FGFR2: variants seen among roughly 807,000 people sequenced by gnomAD.
FGFR2 encodes the protein BEK fibroblast growth factor receptor.
In FGFR2, 19 loss-of-function variants were observed where a neutral mutation model predicts 95.9. The observed-to-expected ratio is 0.20, with a 90% CI of 0.14 to 0.29. FGFR2 has a LOEUF of 0.29. Ranked by LOEUF, FGFR2 falls within the 10% of genes least tolerant of loss-of-function variation. The pLI is 1.00. For missense variants in FGFR2, 707 were observed against 1,056.9 expected, an observed-to-expected ratio of 0.67 and a Z score of 4.59; for synonymous variants, 392 against 393.3, an observed-to-expected ratio of 1.00 and a Z score of 0.04.
intron 13 of FGFR2, among the ~76,000 whole-genome samples, chr10:121,490,741 A>G (rs1055520117): frequency 6.6e-6 from 1 of 152,200 alleles, no homozygotes. Flanking sequence ...CACGAAATGG[A>G]CAATTAAAAA....
chr10:121,573,599 G>A (rs1189551311), intron 2 of FGFR2, among the ~76,000 whole-genome samples: 1 of 152,046 alleles, frequency 6.6e-6, no homozygotes, highest in East Asian at 1.9e-4. Context: ...AAAAGGAAGG[G>A]AGAGAAACAG....
intron 6 of FGFR2, among the ~76,000 whole-genome samples, chr10:121,525,433 C>T (rs2134398662): frequency 6.6e-6 from 1 of 152,290 alleles, no homozygotes; most frequent in Non-Finnish European, 1.5e-5. Context: ...CCAGCGTTCT[C>T]TCTCTCTCAC....
chr10:121,589,960 C>T (rs114749433), intron 2 of FGFR2, among the ~76,000 whole-genome samples: 1,603 of 152,216 alleles, frequency 0.011, 30 homozygotes, highest in African/African-American at 0.036. Flanking sequence ...CAATTAAATG[C>T]GTATGGTTAA....
At chr10:121,504,456 C>G (rs565767023) in intron 9 of FGFR2, among the ~76,000 whole-genome samples, 1 of 152,278 alleles carries the variant, frequency 6.6e-6, no homozygotes, top group African/African-American at 2.4e-5. Flanking sequence ...GGAAAGAGTT[C>G]TAGGACTTGA....
chr10:121,534,091 CTTTTTTTTT>C (rs1022674124), intron 6 of FGFR2, among the ~76,000 whole-genome samples: 19 of 92,106 alleles, frequency 2.1e-4, no homozygotes, highest in Non-Finnish European at 3.5e-4. Flanking sequence ...CCCAAAATGG[CTTTTTTTTT>C]TTTTTTTTTT....
chr10:121,584,136 TC>T (rs1861393577), intron 2 of FGFR2, among the ~76,000 whole-genome samples: 1 of 151,962 alleles, frequency 6.6e-6, no homozygotes, highest in Non-Finnish European at 1.5e-5. Flanking sequence ...CATAGGGGTA[TC>T]ATGTGCAAAT....
At chr10:121,565,780 T>C (rs1006384544) in intron 2 of FGFR2, 76 bp from the exon 3 acceptor site, 5 of 1,564,828 alleles carry the variant, frequency 3.2e-6, no homozygotes, top group African/African-American at 1.4e-5. Context: ...CAAAGGTCAG[T>C]GGAGGCCTGC....
At chr10:121,543,280 C>T (rs545705847) in intron 5 of FGFR2, among the ~76,000 whole-genome samples, 4 of 152,086 alleles carry the variant, frequency 2.6e-5, no homozygotes, top group Non-Finnish European at 5.9e-5. Context: ...GAGGCCGAGG[C>T]GGGCAGATCA....
intron 9 of FGFR2, among the ~76,000 whole-genome samples, chr10:121,504,263 T>A (rs565052959): frequency 6.6e-6 from 1 of 152,306 alleles, no homozygotes; most frequent in Admixed American, 6.5e-5. Context: ...CAGTCCTCTC[T>A]GGCTTCATTA....
chr10:121,580,270 G>C lies in FGFR2; in HGVS notation c.109+13439C>G, dbSNP rs186360482. Among the ~76,000 whole-genome samples the C allele has an allele frequency of 2.1e-3, 325 of 152,256 alleles. 2 individuals are homozygous for C. Among genetic ancestry groups the C allele is most frequent in the South Asian group, 5.8e-3 (28 of 4,828 alleles). ...TTTGGCAAGTTGATTTAAAGGGCTC[G>C]GCCTTTCTTCTCTCAGCAGGATCTC... On this transcript the variant is annotated intron_variant, in intron 2 of 17. Coordinates refer to ENST00000358487, the MANE Select transcript of FGFR2 (RefSeq NM_000141.5).
intron 9 of FGFR2, among the ~76,000 whole-genome samples, chr10:121,505,131 C>T (rs987526834): frequency 6.6e-6 from 1 of 152,204 alleles, no homozygotes; most frequent in Non-Finnish European, 1.5e-5. Flanking sequence ...GTGGGATGAA[C>T]TTTCACAGGG....
intron 2 of FGFR2, among the ~76,000 whole-genome samples, chr10:121,571,623 AAAAC>A (rs993443150): frequency 1.3e-5 from 2 of 148,482 alleles, no homozygotes; most frequent in African/African-American, 5.0e-5. Flanking sequence ...AGCTTCTTTA[AAAAC>A]AAACAAACAA....
intron 6 of FGFR2, among the ~76,000 whole-genome samples, chr10:121,522,964 G>A (rs1850771418): frequency 6.6e-6 from 1 of 152,188 alleles, no homozygotes; most frequent in Non-Finnish European, 1.5e-5. Context: ...TAGAACAATA[G>A]ATATCTACAT....
rs370540726 is a variant in FGFR2, at chr10:121,569,599, C to T, written c.110-3895G>A. Among the ~76,000 whole-genome samples, 79 of 152,316 alleles carry T rather than the reference C, an allele frequency of 5.2e-4. 1 individual carries two copies. In the South Asian group the frequency reaches 7.9e-3, roughly 15 times the overall value. On this transcript the variant is annotated intron_variant, in intron 2 of 17. Transcript: ENST00000358487. The stretch of plus-strand genomic sequence containing the variant: ...TCAATGGACAGTTAAGATGACTTGA[C>T]GTACTAAAACTGCTTTTGATCCCAG...
intron 10 of FGFR2, among the ~76,000 whole-genome samples, chr10:121,502,447 A>C (rs1337324632): frequency 6.6e-6 from 1 of 152,186 alleles, no homozygotes; most frequent in Non-Finnish European, 1.5e-5. Context: ...ACTCTAACCA[A>C]ATAATATCCA....
At chr10:121,579,226 T>A (rs1367565936) in intron 2 of FGFR2, among the ~76,000 whole-genome samples, 2 of 152,168 alleles carry the variant, frequency 1.3e-5, no homozygotes, top group Admixed American at 1.3e-4. Flanking sequence ...TCTGTATATT[T>A]AAAGTGAGGG....
At chr10:121,579,461 A>G (rs1078806) in intron 2 of FGFR2, among the ~76,000 whole-genome samples, 52,708 of 152,128 alleles carry the variant, frequency 0.35, 9,758 homozygotes, top group Middle Eastern at 0.45. Context: ...CTCATCACAT[A>G]TAAGTTACCT....
intron 2 of FGFR2, among the ~76,000 whole-genome samples, chr10:121,593,155 T>C (rs1862922585): frequency 6.6e-6 from 1 of 152,158 alleles, no homozygotes; most frequent in Non-Finnish European, 1.5e-5. Context: ...AATCTGCCAC[T>C]CTGTGATGAT....
intron 6 of FGFR2, among the ~76,000 whole-genome samples, chr10:121,537,725 AAGGCTC>A (rs1853063265): frequency 9.0e-3 from 2 of 222 alleles, no homozygotes. Context: ...AAACCAAAAG[AAGGCTC>A]AAGGTGGCAG....
Sources: allele counts gnomAD v4.1 joint callset (sites outside exome capture counted in the v4.1 genomes callset), GRCh38; gene constraint gnomAD v4.1.1; transcripts MANE v1.5; gene names NCBI Gene and HGNC (gene_info 2026-07-23, HGNC 2026-07-21).